Variants in CLVS1 observed in about 807,000 individuals in gnomAD.
CLVS1 encodes clavesin 1.
A neutral mutation model predicts 33.1 loss-of-function variants in CLVS1; 10 were observed. That is an observed-to-expected ratio of 0.30 (90% CI 0.19 to 0.51). CLVS1 has a LOEUF of 0.51. CLVS1 is among the 20% of genes least tolerant of loss of function. CLVS1 has a pLI of 0.97. For missense variants in CLVS1, 343 were observed against 433.4 expected (o/e 0.79, Z 1.85); for synonymous variants, 163 against 166.1 (o/e 0.98, Z 0.14).
At chr8:61,236,813 C>A (rs879632678) in intron 2 of CLVS1, among the ~76,000 whole-genome samples, 1 of 152,158 alleles carries the variant, frequency 6.6e-6, no homozygotes, top group Non-Finnish European at 1.5e-5. Flanking sequence ...AGAGCTGAGT[C>A]GCTTCCCCAG....
intron 2 of CLVS1, among the ~76,000 whole-genome samples, chr8:61,304,879 C>A (rs1181417498): frequency 1.3e-5 from 2 of 152,114 alleles, no homozygotes; most frequent in African/African-American, 4.8e-5. Flanking sequence ...CAAGTGGAAA[C>A]AGATATCTGG....
chr8:61,351,743 C>T (rs1812472624), intron 2 of CLVS1, among the ~76,000 whole-genome samples: 1 of 151,982 alleles, frequency 6.6e-6, no homozygotes, highest in Non-Finnish European at 1.5e-5. Context: ...ACTGAATTTT[C>T]ATCTGAAACC....
the CLVS1 span, among the ~76,000 whole-genome samples, chr8:60,977,696 C>T: frequency 6.6e-6 from 1 of 152,118 alleles, no homozygotes; most frequent in Non-Finnish European, 1.5e-5. Context: ...TATCATTAAA[C>T]ACACCAACAT....
At chr8:61,013,139 G>C in the CLVS1 span, among the ~76,000 whole-genome samples, 2 of 152,218 alleles carry the variant, frequency 1.3e-5, no homozygotes, top group Admixed American at 6.5e-5. Context: ...ACATTGCCAA[G>C]TGGGCTGTTT....
chr8:61,048,892 T>A, the CLVS1 span, among the ~76,000 whole-genome samples: 23 of 152,300 alleles, frequency 1.5e-4, no homozygotes, highest in South Asian at 4.6e-3. Flanking sequence ...CCTGAATCTT[T>A]GACTGAGGCT....
chr8:61,469,189 G>A (rs1041747320), intron 5 of CLVS1, among the ~76,000 whole-genome samples: 4 of 152,166 alleles, frequency 2.6e-5, no homozygotes, highest in Non-Finnish European at 4.4e-5. Flanking sequence ...ACCAGTGTCA[G>A]CAAAGCACCT....
chr8:61,090,658 TTTC>T (rs1309692688), intron 1 of CLVS1, among the ~76,000 whole-genome samples: 2 of 152,236 alleles, frequency 1.3e-5, no homozygotes, highest in East Asian at 3.8e-4. Context: ...AGACTCCTTT[TTTC>T]TTTTCATTTT....
At chr8:61,153,980 A>G (rs1806598394) in intron 2 of CLVS1, among the ~76,000 whole-genome samples, 1 of 152,172 alleles carries the variant, frequency 6.6e-6, no homozygotes, top group South Asian at 2.1e-4. Flanking sequence ...CTACATCCCT[A>G]GGTTTTTAAG....
chr8:61,254,401 C>T (rs758914831), intron 2 of CLVS1, among the ~76,000 whole-genome samples: 1 of 152,212 alleles, frequency 6.6e-6, no homozygotes, highest in Non-Finnish European at 1.5e-5. Context: ...TGTCCGTTCT[C>T]ATATCTCAAG....
intron 2 of CLVS1, among the ~76,000 whole-genome samples, chr8:61,330,440 C>T (rs895052848): frequency 6.6e-5 from 10 of 152,130 alleles, no homozygotes; most frequent in African/African-American, 2.4e-4. Flanking sequence ...ATACATGCCC[C>T]ATTTGGATAG....
the CLVS1 span, among the ~76,000 whole-genome samples, chr8:61,024,272 G>T: frequency 6.6e-6 from 1 of 152,188 alleles, no homozygotes; most frequent in Non-Finnish European, 1.5e-5. Context: ...GGTTTTCTTA[G>T]TGGCAGGTTT....
At chr8:61,207,761 T>G (rs1807885790) in intron 2 of CLVS1, among the ~76,000 whole-genome samples, 1 of 152,188 alleles carries the variant, frequency 6.6e-6, no homozygotes, top group African/African-American at 2.4e-5. Context: ...TTTCACGTGG[T>G]TCCTGGCTGC....
chr8:61,253,932 T>C (rs1809011391), intron 2 of CLVS1, among the ~76,000 whole-genome samples: 1 of 152,214 alleles, frequency 6.6e-6, no homozygotes, highest in Non-Finnish European at 1.5e-5. Flanking sequence ...TCAAAGTCAT[T>C]CTCCATCCAG....
intron 5 of CLVS1, among the ~76,000 whole-genome samples, chr8:61,483,590 A>G (rs1198681285): frequency 6.6e-6 from 1 of 150,960 alleles, no homozygotes; most frequent in Non-Finnish European, 1.5e-5. Context: ...TCTCCCTAAC[A>G]CATTTTATGA....
chr8:61,288,316 C>A (rs1356570956), intron 1 of CLVS1, 178 bp downstream of exon 1: 1 of 454,036 alleles, frequency 2.2e-6, no homozygotes, highest in South Asian at 1.5e-5. Context: ...CCTCCGCGGT[C>A]CATCCTCCTC....
intron 2 of CLVS1, among the ~76,000 whole-genome samples, chr8:61,229,857 C>T (rs147259685): frequency 1.3e-5 from 2 of 152,298 alleles, no homozygotes; most frequent in Non-Finnish European, 2.9e-5. Context: ...AAACTCCTGA[C>T]CTCAAGTGAT....
chr8:61,057,580 A>G (rs1455539459), intron 1 of CLVS1, among the ~76,000 whole-genome samples: 1 of 152,114 alleles, frequency 6.6e-6, no homozygotes, highest in Non-Finnish European at 1.5e-5. Flanking sequence ...TCATTCTTAT[A>G]TAGGCTTATT....
chr8:61,204,602 A>T (rs1034261291), intron 2 of CLVS1, among the ~76,000 whole-genome samples: 5 of 152,360 alleles, frequency 3.3e-5, no homozygotes, highest in African/African-American at 1.2e-4. Flanking sequence ...GACATTAAGT[A>T]CATTATTTCC....
chr8:61,189,086 T>C (rs1293168566), intron 2 of CLVS1, among the ~76,000 whole-genome samples: 1 of 151,882 alleles, frequency 6.6e-6, no homozygotes, highest in Admixed American at 6.6e-5. Flanking sequence ...TTCACCAAAG[T>C]TGAAATGAAG....
Sources: gnomAD v4.1 joint callset for allele counts (sites outside exome capture counted in the v4.1 genomes callset) on GRCh38, gnomAD v4.1.1 for gene constraint, MANE v1.5 for transcripts, NCBI Gene and HGNC (gene_info 2026-07-23, HGNC 2026-07-21) for gene names.